The following TTLL11 variants were observed in gnomAD, a reference collection of about 807,000 sequenced individuals.
The protein encoded by TTLL11 is tubulin polyglutamylase TTLL11.
A neutral mutation model predicts 51.7 loss-of-function variants in TTLL11; 42 were observed. That is an observed-to-expected ratio of 0.81 (90% CI 0.64 to 1.05). The LOEUF is 1.05. Among genes scored for constraint, TTLL11 ranks in the 50% least tolerant of loss-of-function variants. TTLL11 has a pLI of 0.00. For synonymous variants in TTLL11, 381 were observed against 383.5 expected (o/e 0.99, Z 0.08); for missense variants, 799 against 940.4 (o/e 0.85, Z 1.97).
At chr9:121,996,977 T>C (rs1456136619) in intron 3 of TTLL11, among the ~76,000 whole-genome samples, 1 of 152,188 alleles carries the variant, frequency 6.6e-6, no homozygotes, top group Non-Finnish European at 1.5e-5. Context: ...TCTTTGAAGA[T>C]GTTCTCAAGT....
At chr9:122,032,660 A>AG (rs1215398914) in intron 2 of TTLL11, among the ~76,000 whole-genome samples, 1 of 150,092 alleles carries the variant, frequency 6.7e-6, no homozygotes, top group African/African-American at 2.5e-5. Context: ...AAAAAAAAAA[A>AG]AGGTTGGTGG....
At chr9:122,052,404 A>C (rs1451154269) in intron 1 of TTLL11, among the ~76,000 whole-genome samples, 3 of 152,214 alleles carry the variant, frequency 2.0e-5, no homozygotes. Flanking sequence ...GGGGAAGCCC[A>C]CCTGTGGGAG....
At chr9:121,950,569 AG>A (rs1841821756) in intron 6 of TTLL11, among the ~76,000 whole-genome samples, 1 of 152,206 alleles carries the variant, frequency 6.6e-6, no homozygotes, top group African/African-American at 2.4e-5. Flanking sequence ...CAGGTGCCAC[AG>A]GGGTCCTTCA....
intron 1 of TTLL11, among the ~76,000 whole-genome samples, chr9:122,042,455 C>T (rs930108999): frequency 2.0e-5 from 3 of 152,256 alleles, no homozygotes; most frequent in African/African-American, 7.2e-5. Flanking sequence ...AACAGGAACC[C>T]TCATTCCTTT....
At chr9:121,942,999 G>A (rs941939216) in intron 6 of TTLL11, among the ~76,000 whole-genome samples, 1 of 152,074 alleles carries the variant, frequency 6.6e-6, no homozygotes, top group Non-Finnish European at 1.5e-5. Flanking sequence ...TAGACCCTTG[G>A]CGCTGGCAGT....
chr9:121,959,887 A>T (rs1842160661), intron 6 of TTLL11, among the ~76,000 whole-genome samples: 1 of 151,976 alleles, frequency 6.6e-6, no homozygotes, highest in South Asian at 2.1e-4. Flanking sequence ...TGTATTATAC[A>T]TTGGACTTCT....
chr9:121,975,266 T>G (rs751683396), intron 4 of TTLL11, among the ~76,000 whole-genome samples: 1 of 152,222 alleles, frequency 6.6e-6, no homozygotes, highest in Admixed American at 6.5e-5. Context: ...TTTTTTATTA[T>G]GTTGAGGATG....
intron 6 of TTLL11, among the ~76,000 whole-genome samples, chr9:121,876,015 A>G (rs928218276): frequency 1.3e-4 from 20 of 152,208 alleles, no homozygotes; most frequent in Admixed American, 1.2e-3. Context: ...ACTTACCTAT[A>G]TTGCTTCATT....
intron 8 of TTLL11, among the ~76,000 whole-genome samples, chr9:121,832,888 T>G (rs1424863177): frequency 2.0e-5 from 3 of 152,182 alleles, no homozygotes; most frequent in Non-Finnish European, 4.4e-5. Flanking sequence ...TTCAGTGAGC[T>G]GAGATTGCAT....
chr9:121,999,761 T>G (rs1321202929), intron 3 of TTLL11, among the ~76,000 whole-genome samples: 1 of 152,204 alleles, frequency 6.6e-6, no homozygotes, highest in South Asian at 2.1e-4. Flanking sequence ...TGCACACATT[T>G]GCATGTGATT....
chr9:121,915,990 T>TACACATAC (rs1554768405), intron 6 of TTLL11, among the ~76,000 whole-genome samples: 1 of 134,252 alleles, frequency 7.4e-6, no homozygotes, highest in Non-Finnish European at 1.6e-5. Flanking sequence ...GACACACACA[T>TACACATAC]ACACACACAC....
chr9:121,824,465 C>T (rs34157367), intron 8 of TTLL11, among the ~76,000 whole-genome samples: 4 of 131,026 alleles, frequency 3.1e-5, no homozygotes, highest in South Asian at 4.9e-4. Context: ...ACAGACAGAG[C>T]GAGACTCCAT....
intron 6 of TTLL11, among the ~76,000 whole-genome samples, chr9:121,921,676 T>C (rs1345498422): frequency 1.3e-5 from 2 of 152,140 alleles, no homozygotes; most frequent in Non-Finnish European, 2.9e-5. Context: ...GCTTTAGTAA[T>C]CACAAGTTAT....
intron 6 of TTLL11, among the ~76,000 whole-genome samples, chr9:121,924,762 CTTTTT>C (rs762402616): frequency 7.2e-6 from 1 of 139,394 alleles, no homozygotes. Flanking sequence ...ATAACAAGCA[CTTTTT>C]TTTTTTTTTT....
At chr9:122,078,947 T>C (rs1465742283) in intron 1 of TTLL11, among the ~76,000 whole-genome samples, 2 of 152,186 alleles carry the variant, frequency 1.3e-5, no homozygotes, top group East Asian at 3.9e-4. Flanking sequence ...AAGTTTAGAG[T>C]ACTGTTACAG....
At chr9:122,086,404 G>C (rs1370183828) in intron 1 of TTLL11, among the ~76,000 whole-genome samples, 1 of 152,174 alleles carries the variant, frequency 6.6e-6, no homozygotes, top group Non-Finnish European at 1.5e-5. Context: ...AACATTTGAT[G>C]GAGTAGGGCA....
In TTLL11 at chr9:122,039,312, G is replaced by A. The variant is rs114484554; in HGVS notation, c.519C>T (p.His173=). The change falls in exon 2 of 9, where the codon CAC becomes CAT. Residue 173 remains histidine (H), a synonymous_variant. Coordinates refer to ENST00000321582, the MANE Select transcript of TTLL11 (RefSeq NM_001139442.2). ...CTTGACCGGAGAATATGTCATTGTC[G>A]TGAAATGAAACTCCATGCCAGTAGA... The part of the protein sequence containing the change: ...CDIYWHGVSF[H]DNDIFSGQVN... The A allele has an allele frequency of 1.4e-4, 229 of 1,613,960 alleles. 2 individuals are homozygous for A. The Middle Eastern group carries it at 3.1e-3, about 22-fold the overall frequency.
At chr9:121,914,806 C>A (rs1234120015) in intron 6 of TTLL11, among the ~76,000 whole-genome samples, 5 of 152,168 alleles carry the variant, frequency 3.3e-5, no homozygotes, top group African/African-American at 4.8e-5. Context: ...AGAGGGCTGG[C>A]TCTTCCTGCT....
intron 7 of TTLL11, among the ~76,000 whole-genome samples, chr9:121,862,996 C>T (rs1008734177): frequency 6.6e-6 from 1 of 152,166 alleles, no homozygotes; most frequent in African/African-American, 2.4e-5. Flanking sequence ...CCCAGACGAG[C>T]CTGGTGCTCC....
Sources: gnomAD v4.1 joint callset for allele counts (sites outside exome capture counted in the v4.1 genomes callset) on GRCh38, gnomAD v4.1.1 for gene constraint, MANE v1.5 for transcripts, NCBI Gene and HGNC (gene_info 2026-07-23, HGNC 2026-07-21) for gene names.